The following ZNF69 variants were observed in gnomAD, a reference collection of about 807,000 sequenced individuals.
ZNF69 encodes zinc finger protein 69.
A neutral mutation model predicts 50.9 loss-of-function variants in ZNF69; 47 were observed. That is an observed-to-expected ratio of 0.92 (90% CI 0.73 to 1.18). The LOEUF is 1.18. Ranked by LOEUF, ZNF69 falls within the 50% of genes most tolerant of loss-of-function variation. The pLI is 0.00. For missense variants in ZNF69, 717 were observed against 675.1 expected, an observed-to-expected ratio of 1.06 and a Z score of -0.69; for synonymous variants, 216 against 223.1, an observed-to-expected ratio of 0.97 and a Z score of 0.29.
chr19:11,913,299 T>C, intron 4 of ZNF69: 2 of 528,766 alleles, frequency 3.8e-6, no homozygotes. Flanking sequence ...AGTATAACCA[T>C]GTGGATAAAA....
the ZNF69 span, among the ~76,000 whole-genome samples, chr19:11,920,677 C>T: frequency 6.6e-6 from 1 of 151,912 alleles, no homozygotes; most frequent in Non-Finnish European, 1.5e-5. Context: ...CACCTGAGCT[C>T]AGGAGTTCAA....
At chr19:11,978,946 A>C in the ZNF69 span, 8 of 1,614,210 alleles carry the variant, frequency 5.0e-6, no homozygotes, top group South Asian at 8.8e-5. Context: ...AAGCCTTATC[A>C]ATGTAAGGAA....
the ZNF69 span, chr19:11,949,214 A>C: frequency 7.4e-6 from 12 of 1,613,720 alleles, no homozygotes; most frequent in Non-Finnish European, 1.0e-5. Context: ...CAATGTGGTA[A>C]AGCCTTCAAT....
the ZNF69 span, among the ~76,000 whole-genome samples, chr19:11,961,261 T>C: frequency 6.6e-6 from 1 of 152,170 alleles, no homozygotes; most frequent in African/African-American, 2.4e-5. Context: ...CTCTCCAACA[T>C]GTGAGGACAA....
At chr19:11,914,863 C>T (rs542768123), downstream of ZNF69, among the ~76,000 whole-genome samples, 3 of 152,254 alleles carry the variant, frequency 2.0e-5, no homozygotes, top group South Asian at 2.1e-4. Context: ...AGGGTGGAGT[C>T]GTTGATTGTC....
chr19:11,963,229 A>T, the ZNF69 span, among the ~76,000 whole-genome samples: 7 of 152,082 alleles, frequency 4.6e-5, no homozygotes, highest in Non-Finnish European at 1.0e-4. Context: ...AGCTGAGACT[A>T]TAGGTACACA....
chr19:11,889,964 T>A (rs907494434), intron 1 of ZNF69, among the ~76,000 whole-genome samples: 2 of 152,196 alleles, frequency 1.3e-5, no homozygotes, highest in Non-Finnish European at 2.9e-5. Flanking sequence ...TATGTTTCAC[T>A]TTATGCAAAT....
the ZNF69 span, among the ~76,000 whole-genome samples, chr19:11,926,063 A>G: frequency 1.8e-4 from 28 of 151,838 alleles, no homozygotes; most frequent in African/African-American, 6.1e-4. Context: ...AAGTTTGTCT[A>G]AAGTTTGGAG....
chr19:11,925,993 G>A, the ZNF69 span, among the ~76,000 whole-genome samples: 3 of 152,160 alleles, frequency 2.0e-5, no homozygotes, highest in African/African-American at 4.8e-5. Context: ...CCTGTGGAAG[G>A]GGGGTTAGAA....
At chr19:11,963,060 C>T in the ZNF69 span, among the ~76,000 whole-genome samples, 1 of 118,626 alleles carries the variant, frequency 8.4e-6, no homozygotes, top group Non-Finnish European at 1.6e-5. Context: ...TCAGGGTTTC[C>T]CCAGGTAGTT....
chr19:11,950,021 A>T, the ZNF69 span: 1 of 1,614,128 alleles, frequency 6.2e-7, no homozygotes, highest in Non-Finnish European at 8.5e-7. Context: ...TTTCAAATAC[A>T]TGAAAGGAAG....
At chr19:11,943,385 C>T in the ZNF69 span, among the ~76,000 whole-genome samples, 1 of 152,170 alleles carries the variant, frequency 6.6e-6, no homozygotes, top group Non-Finnish European at 1.5e-5. Context: ...ATCTGGGTTT[C>T]TTACCGGGCT....
chr19:11,897,613 C>G (rs1480792783), intron 1 of ZNF69, among the ~76,000 whole-genome samples: 2 of 149,650 alleles, frequency 1.3e-5, no homozygotes, highest in Non-Finnish European at 3.0e-5. Flanking sequence ...TAGCTCACGT[C>G]TCTAATCCCA....
intron 1 of ZNF69, among the ~76,000 whole-genome samples, chr19:11,893,782 G>C (rs1428474388): frequency 6.6e-6 from 1 of 152,018 alleles, no homozygotes; most frequent in African/African-American, 2.4e-5. Context: ...GGAGATGCCT[G>C]GTATACTCTT....
intron 1 of ZNF69, among the ~76,000 whole-genome samples, chr19:11,896,913 C>T (rs918207025): frequency 6.6e-6 from 1 of 152,074 alleles, no homozygotes; most frequent in Non-Finnish European, 1.5e-5. Flanking sequence ...CATCATAGTG[C>T]TATTTAATCT....
the ZNF69 span, among the ~76,000 whole-genome samples, chr19:11,972,654 A>G: frequency 6.6e-6 from 1 of 152,218 alleles, no homozygotes; most frequent in Non-Finnish European, 1.5e-5. Flanking sequence ...TCAGTTATGA[A>G]CCTTACATGG....
At chr19:11,940,205 T>A in the ZNF69 span, among the ~76,000 whole-genome samples, 1 of 152,166 alleles carries the variant, frequency 6.6e-6, no homozygotes, top group Non-Finnish European at 1.5e-5. Context: ...GCTGGGCTTA[T>A]AGGCATGAGC....
intron 1 of ZNF69, among the ~76,000 whole-genome samples, chr19:11,893,810 C>T (rs975714633): frequency 6.6e-6 from 1 of 152,164 alleles, no homozygotes; most frequent in Non-Finnish European, 1.5e-5. Context: ...ATAACCAATT[C>T]TTGGGGTGCT....
At chr19:11,930,755 C>G in the ZNF69 span, among the ~76,000 whole-genome samples, 3 of 148,150 alleles carry the variant, frequency 2.0e-5, no homozygotes, top group Non-Finnish European at 4.4e-5. Flanking sequence ...AATACCAGCA[C>G]TTTGGGAGGC....
Sources: gnomAD v4.1 joint callset for allele counts (sites outside exome capture counted in the v4.1 genomes callset) on GRCh38, gnomAD v4.1.1 for gene constraint, MANE v1.5 for transcripts, NCBI Gene and HGNC (gene_info 2026-07-23, HGNC 2026-07-21) for gene names.